CNTNAP2: variants seen among roughly 807,000 people sequenced by gnomAD.
CNTNAP2 encodes contactin associated protein 2.
In CNTNAP2, 98 loss-of-function variants were observed where a neutral mutation model predicts 155.2. That is an observed-to-expected ratio of 0.63 (90% CI 0.54 to 0.75). The LOEUF is 0.75. CNTNAP2 is among the 30% of genes least tolerant of loss of function. CNTNAP2 has a pLI of 0.00. For missense variants in CNTNAP2, 1,727 were observed against 1,688.1 expected (o/e 1.02, Z -0.40); for synonymous variants, 651 against 631.2 (o/e 1.03, Z -0.47).
At chr7:146,219,856 A>G (rs1799178189) in intron 1 of CNTNAP2, among the ~76,000 whole-genome samples, 1 of 152,162 alleles carries the variant, frequency 6.6e-6, no homozygotes. Flanking sequence ...TATTTTTATA[A>G]TAGAAGTTAT....
chr7:147,862,779 T>C (rs1256547963), intron 13 of CNTNAP2, among the ~76,000 whole-genome samples: 2 of 152,162 alleles, frequency 1.3e-5, no homozygotes, highest in East Asian at 3.9e-4. Flanking sequence ...ATTTGGAGTA[T>C]TCCTCAAACC....
chr7:147,838,222 G>A (rs962733639), intron 13 of CNTNAP2, among the ~76,000 whole-genome samples: 2 of 152,076 alleles, frequency 1.3e-5, no homozygotes, highest in African/African-American at 4.8e-5. Flanking sequence ...GGACCCTGGG[G>A]CCACCCCACG....
chr7:147,252,986 C>G (rs1304505915), intron 8 of CNTNAP2, among the ~76,000 whole-genome samples: 1 of 152,128 alleles, frequency 6.6e-6, no homozygotes, highest in Admixed American at 6.5e-5. Context: ...TAGTTGATAT[C>G]CTGTCATTCC....
intron 17 of CNTNAP2, among the ~76,000 whole-genome samples, chr7:148,160,735 GTGT>G (rs1010940725): frequency 4.6e-5 from 7 of 152,144 alleles, no homozygotes; most frequent in Non-Finnish European, 5.9e-5. Context: ...ATTGATGAAG[GTGT>G]TGTTTTTTGG....
intron 16 of CNTNAP2, chr7:148,133,678 C>T (rs1346726524): frequency 6.6e-6 from 1 of 152,114 alleles, no homozygotes; most frequent in Non-Finnish European, 1.5e-5. Context: ...GCCCTCCTCC[C>T]TTTGGTAAGA....
intron 13 of CNTNAP2, among the ~76,000 whole-genome samples, chr7:147,708,016 C>A (rs140879089): frequency 5.3e-5 from 8 of 152,174 alleles, no homozygotes; most frequent in Non-Finnish European, 1.2e-4. Context: ...ACTGGTGGAC[C>A]TGTCCTCAGA....
At chr7:147,305,186 C>T (rs1292139540) in intron 9 of CNTNAP2, among the ~76,000 whole-genome samples, 1 of 152,052 alleles carries the variant, frequency 6.6e-6, no homozygotes, top group Non-Finnish European at 1.5e-5. Flanking sequence ...TGAAATAGAC[C>T]ATGGATTTTA....
intron 1 of CNTNAP2, among the ~76,000 whole-genome samples, chr7:146,728,135 C>A (rs546690330): frequency 4.0e-4 from 61 of 152,214 alleles, no homozygotes; most frequent in African/African-American, 1.3e-3. Context: ...TCTGGGGAGA[C>A]AATACCTAGA....
intron 8 of CNTNAP2, among the ~76,000 whole-genome samples, chr7:147,201,957 G>A (rs1802930516): frequency 6.6e-6 from 1 of 152,038 alleles, no homozygotes; most frequent in African/African-American, 2.4e-5. Context: ...AAAAAGCAAG[G>A]ACTTGAGCTT....
intron 1 of CNTNAP2, among the ~76,000 whole-genome samples, chr7:146,208,089 A>C (rs1236760061): frequency 6.6e-6 from 1 of 152,058 alleles, no homozygotes; most frequent in African/African-American, 2.4e-5. Flanking sequence ...TAGTTCCTAA[A>C]GTATGTTCTT....
intron 15 of CNTNAP2, among the ~76,000 whole-genome samples, chr7:148,044,156 A>G (rs946099948): frequency 4.0e-5 from 6 of 151,730 alleles, no homozygotes; most frequent in Non-Finnish European, 7.4e-5. Flanking sequence ...CCGAGTTCAT[A>G]TCTAACTTGG....
At chr7:147,799,118 G>T (rs1466750921) in intron 13 of CNTNAP2, among the ~76,000 whole-genome samples, 1 of 152,136 alleles carries the variant, frequency 6.6e-6, no homozygotes, top group Admixed American at 6.5e-5. Flanking sequence ...AATAATAAGA[G>T]AATTCTGCCC....
chr7:146,454,259 G>A (rs1468030740), intron 1 of CNTNAP2, among the ~76,000 whole-genome samples: 7 of 151,866 alleles, frequency 4.6e-5, no homozygotes, highest in Non-Finnish European at 8.8e-5. Context: ...TAGATCTGTC[G>A]GCCATTTCTT....
rs180728701 is a variant in CNTNAP2 at position 146,851,201 on chromosome 7, T to C, written c.402+11297T>C. On this transcript the variant is annotated intron_variant, in intron 3 of 23. Coordinates refer to ENST00000361727, the MANE Select transcript of CNTNAP2 (RefSeq NM_014141.6). ...GGTTTTGCCATATTGGCTAGGCTGGTCTCGAACTCCTGACCTCTGGTGATT... is the reference window on the plus strand; with the variant it reads ...GGTTTTGCCATATTGGCTAGGCTGGCCTCGAACTCCTGACCTCTGGTGATT... Among the ~76,000 whole-genome samples, 1,478 of 152,130 alleles carry C rather than the reference T, an allele frequency of 9.7e-3. 20 individuals carry two copies. Among genetic ancestry groups the C allele is most frequent in the African/African-American group, 0.034 (1,400 of 41,512 alleles).
intron 9 of CNTNAP2, among the ~76,000 whole-genome samples, chr7:147,394,700 ATAG>A (rs1161716285): frequency 6.6e-6 from 1 of 151,886 alleles, no homozygotes; most frequent in Non-Finnish European, 1.5e-5. Context: ...AAAAGATATA[ATAG>A]TAATTGATTG....
At chr7:147,968,254 G>C (rs1041824056) in intron 14 of CNTNAP2, among the ~76,000 whole-genome samples, 1 of 152,228 alleles carries the variant, frequency 6.6e-6, no homozygotes, top group African/African-American at 2.4e-5. Flanking sequence ...CTTTCTAAGA[G>C]AAGTCTAAAT....
chr7:146,176,108 A>AT (rs554803040), intron 1 of CNTNAP2, among the ~76,000 whole-genome samples: 2 of 152,198 alleles, frequency 1.3e-5, no homozygotes, highest in Non-Finnish European at 2.9e-5. Context: ...CTTCTTTTAC[A>AT]TGTCAGAATA....
intron 1 of CNTNAP2, among the ~76,000 whole-genome samples, chr7:146,430,206 T>G (rs1259752873): frequency 2.0e-5 from 3 of 151,740 alleles, no homozygotes; most frequent in Non-Finnish European, 2.9e-5. Context: ...TTTTTTAATC[T>G]CTGCCAGGAT....
rs891092005 is a variant in CNTNAP2, at chr7:147,801,494, G to C, written c.2099-102071G>C. Among the ~76,000 whole-genome samples the C allele has an allele frequency of 3.6e-4, 55 of 151,860 alleles. 1 individual carries two copies. Among genetic ancestry groups the C allele is most frequent in the East Asian group, 1.2e-3 (6 of 5,140 alleles). ...GGCCTTCCGCAGTGTTTGTGTCCCT[G>C]GGTACTTGAGATTAGGGAGTGGTGA... On this transcript the variant is annotated intron_variant, in intron 13 of 23. Transcript: ENST00000361727.
Sources: gnomAD v4.1 joint callset for allele counts (sites outside exome capture counted in the v4.1 genomes callset) on GRCh38, gnomAD v4.1.1 for gene constraint, MANE v1.5 for transcripts, NCBI Gene and HGNC (gene_info 2026-07-23, HGNC 2026-07-21) for gene names.